Variants in ERICH6 observed in about 807,000 individuals in gnomAD.
ERICH6 encodes the protein glutamate rich 6.
In ERICH6, 71 loss-of-function variants were observed where a neutral mutation model predicts 71.0. That is an observed-to-expected ratio of 1.00 (90% CI 0.83 to 1.22). The LOEUF (loss-of-function observed/expected upper bound fraction) is 1.22, where lower values mean the gene tolerates loss of function less well. Ranked by LOEUF, ERICH6 falls within the 50% of genes most tolerant of loss-of-function variation. The probability of loss-of-function intolerance (pLI) is 0.00; values close to 1 mark genes in which losing one functional copy is unlikely to be tolerated. For synonymous variants in ERICH6, 262 were observed against 278.4 expected, an observed-to-expected ratio of 0.94 and a Z score of 0.59; for missense variants, 808 against 797.2, an observed-to-expected ratio of 1.01 and a Z score of -0.16.
intron 12 of ERICH6, among the ~76,000 whole-genome samples, chr3:150,668,496 A>G (rs1727495196): frequency 1.3e-5 from 2 of 152,170 alleles, no homozygotes; most frequent in Non-Finnish European, 2.9e-5. Context: ...AGAATCCTGA[A>G]AGATAAGTAG....
At chr3:150,688,982 C>T (rs986098779) in intron 3 of ERICH6, among the ~76,000 whole-genome samples, 11 of 152,164 alleles carry the variant, frequency 7.2e-5, no homozygotes, top group African/African-American at 2.2e-4. Context: ...CTCAGATTTT[C>T]GGGGTTCACA....
Position 150,681,673 on chromosome 3 carries a change from T to C in ERICH6, c.882+545A>G, listed in dbSNP as rs567044223. Among the ~76,000 whole-genome samples the C allele has an allele frequency of 3.9e-5, 6 of 152,342 alleles. No homozygotes were observed. In the South Asian group the frequency reaches 1.0e-3, roughly 26 times the overall value. ...TTATATTCCACCTCAGCAGTACATGTGGGTTCTAATTTCTCTACATCTTTA... is the reference window on the plus strand; with the variant it reads ...TTATATTCCACCTCAGCAGTACATGCGGGTTCTAATTTCTCTACATCTTTA... On this transcript the variant is annotated intron_variant, in intron 7 of 13. Transcript: ENST00000295910.
rs562643112 is a variant in ERICH6 at position 150,674,013 on chromosome 3, T to C, written c.1286A>G (p.His429Arg). The stretch of plus-strand genomic sequence containing the variant: ...CAGAAACTTGCTCCCATGTTTGTAG[T>C]GCTTCTCTAAGAGCTCATTCCTGAC... ...KVVRNELLEK[H>R]YKHGSKFLTS... The change falls in exon 11 of 14, where the codon CAC becomes CGC. Residue 429 changes from histidine (H) to arginine (R), a missense_variant. This residue lies in a region of ERICH6 where 736 missense variants were observed against 712.2 expected (regional missense o/e 1.03). Coordinates refer to ENST00000295910, the MANE Select transcript of ERICH6 (RefSeq NM_152394.5). The C allele has an allele frequency of 6.9e-5, 111 of 1,614,144 alleles. No individual in the cohort carries two copies. Among genetic ancestry groups the C allele is most frequent in the Non-Finnish European group, 9.3e-5 (110 of 1,180,000 alleles).
rs144597450 is a variant in ERICH6, at chr3:150,680,524, C to T, written c.1055G>A (p.Arg352Gln). The change falls in exon 9 of 14, where the codon CGA becomes CAA. Residue 352 changes from arginine (R) to glutamine (Q), a missense_variant. Transcript: ENST00000295910. ...EKALQRKQEQ[R>Q]MARHFAIISR... is the part of the protein sequence containing the mutation. ...TATTATTGCAAAATGTCTGGCCATT[C>T]GTTGCTCCTGTTTCCTACAAAATCA... The T allele has an allele frequency of 3.5e-5, 56 of 1,614,154 alleles. No homozygotes were observed. The Middle Eastern group carries it at 8.2e-4, about 24-fold the overall frequency.
In ERICH6 at chr3:150,683,089, C is replaced by T. The variant is rs74974728; in HGVS notation, c.784-773G>A. On this transcript the variant is annotated intron_variant, in intron 6 of 13. Transcript: ENST00000295910. Reference sequence around the variant, plus strand: ...TTGCAGATCATTAACAACACCAGGGCATCTGTATATGCCATGGTAACCATT... The same window carrying T: ...TTGCAGATCATTAACAACACCAGGGTATCTGTATATGCCATGGTAACCATT... Among the ~76,000 whole-genome samples, 530 of 152,240 alleles carry T rather than the reference C, an allele frequency of 3.5e-3. 5 individuals carry two copies. The highest frequency in any genetic ancestry group is 0.012 in the African/African-American group (513 of 41,526).
intron 1 of ERICH6, 57 bp from the exon 2 acceptor site, chr3:150,702,235 T>A: frequency 1.5e-5 from 12 of 779,930 alleles, no homozygotes; most frequent in Non-Finnish European, 2.4e-5. Flanking sequence ...AGGTCAATTC[T>A]ACCCCCCCCA....
chr3:150,666,694 C>T (rs1181264644), intron 13 of ERICH6, 93 bp downstream of exon 13: 15 of 1,049,392 alleles, frequency 1.4e-5, no homozygotes, highest in African/African-American at 4.9e-5. Flanking sequence ...AGATTATGCA[C>T]TAGTGTAATC....
intron 3 of ERICH6, 127 bp downstream of exon 3, chr3:150,698,664 C>T: frequency 1.5e-6 from 1 of 680,750 alleles, no homozygotes; most frequent in Non-Finnish European, 2.5e-6. Flanking sequence ...GCAACTTGCC[C>T]AACATCACAA....
intron 3 of ERICH6, among the ~76,000 whole-genome samples, chr3:150,694,501 C>A (rs1712577439): frequency 6.6e-6 from 1 of 152,160 alleles, no homozygotes; most frequent in African/African-American, 2.4e-5. Flanking sequence ...ATTTAAAGTG[C>A]TGATTTACTG....
chr3:150,703,575 A>G lies in ERICH6; in HGVS notation c.324T>C (p.Ser108=). The change falls in exon 1 of 14, where the codon TCT becomes TCC. Residue 108 remains serine (S), a synonymous_variant. Coordinates refer to ENST00000295910, the MANE Select transcript of ERICH6 (RefSeq NM_152394.5). ...TCGCGCTCTGGCTGGGCACGAACGT[A>G]GAGGTCAGGCTAGGGCTGACGATGC... ...LASIVSPSLT[S]TFVPSQSATS... is the part of the protein sequence containing the mutation. The G allele has an allele frequency of 6.2e-7, 1 of 1,613,858 alleles. No individual in the cohort carries two copies. Among genetic ancestry groups the G allele is most frequent in the Non-Finnish European group, 8.5e-7 (1 of 1,179,930 alleles).
chr3:150,695,765 A>G (rs1712634816), intron 3 of ERICH6, among the ~76,000 whole-genome samples: 1 of 148,734 alleles, frequency 6.7e-6, no homozygotes, highest in African/African-American at 2.5e-5. Flanking sequence ...AGGCTCATAT[A>G]TATAGTATAT....
At chr3:150,686,727 A>C (rs1712207663) in intron 3 of ERICH6, among the ~76,000 whole-genome samples, 1 of 152,212 alleles carries the variant, frequency 6.6e-6, no homozygotes, top group Non-Finnish European at 1.5e-5. Flanking sequence ...CATTCTTAGC[A>C]TGTATCTTAG....
Position 150,680,780 on chromosome 3 carries a change from G to A in ERICH6, c.1033C>T (p.Leu345=), listed in dbSNP as rs1559914974. ...VDRLKAKEKA[L]QRKQEQRMAR... is the part of the protein sequence containing the mutation. ...TCGAAGTCTCAATGTTACCTTTGCAGGGCTTTTTCTTTTGCCTTGAGTCTG... is the reference window on the plus strand; with the variant it reads ...TCGAAGTCTCAATGTTACCTTTGCAAGGCTTTTTCTTTTGCCTTGAGTCTG... Residue 345 remains leucine, a synonymous_variant, in exon 8 of 14, where the codon CTG becomes TTG. Coordinates refer to ENST00000295910, the MANE Select transcript of ERICH6 (RefSeq NM_152394.5). 6.2e-7 allele frequency: 1 copy of A among 1,602,970 alleles called. No individual in the cohort carries two copies. Among genetic ancestry groups the A allele is most frequent in the Non-Finnish European group, 8.5e-7 (1 of 1,177,134 alleles).
intron 10 of ERICH6, among the ~76,000 whole-genome samples, chr3:150,674,886 A>T (rs1050276544): frequency 1.3e-5 from 2 of 151,956 alleles, no homozygotes; most frequent in Non-Finnish European, 2.9e-5. Context: ...TAATCCCAGT[A>T]CTTTGGGAGG....
intron 12 of ERICH6, among the ~76,000 whole-genome samples, 163 bp downstream of exon 12, chr3:150,669,133 G>A (rs566714337): frequency 6.6e-6 from 1 of 152,142 alleles, no homozygotes; most frequent in Non-Finnish European, 1.5e-5. Context: ...AAAAGCATAC[G>A]GAATGGTGTA....
chr3:150,665,892 G>A (rs1192512724), intron 13 of ERICH6, among the ~76,000 whole-genome samples: 1 of 150,516 alleles, frequency 6.6e-6, no homozygotes, highest in Non-Finnish European at 1.5e-5. Context: ...CCTGTTCAAA[G>A]TCACACACTA....
chr3:150,661,331 CT>C (rs1388225290), intron 13 of ERICH6, among the ~76,000 whole-genome samples: 6 of 152,244 alleles, frequency 3.9e-5, no homozygotes, highest in Non-Finnish European at 1.5e-5. Flanking sequence ...GTGTTGAGCA[CT>C]GATGCCCACA....
At chr3:150,689,506 G>A (rs1038101551) in intron 3 of ERICH6, among the ~76,000 whole-genome samples, 10 of 152,252 alleles carry the variant, frequency 6.6e-5, no homozygotes, top group Admixed American at 2.6e-4. Flanking sequence ...ATATGCTAAT[G>A]AGATTTTAAA....
chr3:150,663,209 G>A (rs140423083), intron 13 of ERICH6, among the ~76,000 whole-genome samples: 35 of 152,300 alleles, frequency 2.3e-4, no homozygotes, highest in African/African-American at 8.4e-4. Context: ...AATCAAGCAA[G>A]AGATGGATCA....
Sources: gnomAD v4.1 joint callset for allele counts (sites outside exome capture counted in the v4.1 genomes callset) on GRCh38, gnomAD v4.1.1 for gene constraint, gnomAD v4.1.1 regional missense constraint, MANE v1.5 for transcripts, NCBI Gene and HGNC (gene_info 2026-07-23, HGNC 2026-07-21) for gene names.